The following RAPGEF2 variants were observed in gnomAD, a reference collection of about 807,000 sequenced individuals.
RAPGEF2 encodes Rap guanine nucleotide exchange factor 2.
RAPGEF2 carries 54 observed loss-of-function variants against 186.7 expected under a neutral mutation model. The ratio of observed to expected loss-of-function variants is 0.29; its 90% CI spans 0.23 to 0.36. The LOEUF (loss-of-function observed/expected upper bound fraction) is 0.36. RAPGEF2 is among the 10% of genes least tolerant of loss of function. The pLI is 1.00. For missense variants in RAPGEF2, 1,532 were observed against 2,045.0 expected (o/e 0.75, Z 4.84); for synonymous variants, 712 against 705.9 (o/e 1.01, Z -0.14).
At chr4:159,326,450 T>C (rs929736710) in intron 11 of RAPGEF2, among the ~76,000 whole-genome samples, 8 of 152,254 alleles carry the variant, frequency 5.3e-5, no homozygotes, top group African/African-American at 1.9e-4. Flanking sequence ...CATTATCTTA[T>C]ATTTCAGGGA....
intron 1 of RAPGEF2, among the ~76,000 whole-genome samples, chr4:159,144,002 A>T (rs2111170785): frequency 6.6e-6 from 1 of 152,230 alleles, no homozygotes; most frequent in Admixed American, 6.5e-5. Flanking sequence ...TTTTTCTCAT[A>T]TTCTTTTTTC....
At chr4:159,104,271 G>C (rs1350110802) in intron 1 of RAPGEF2, 40 bp downstream of exon 1, 1 of 1,301,644 alleles carries the variant, frequency 7.7e-7, no homozygotes, top group South Asian at 1.5e-5. Context: ...CCGGATTTCT[G>C]CCTCGCAGGC....
chr4:159,346,946 G>C lies in RAPGEF2; in HGVS notation c.3660G>C (p.Val1220=). 1.9e-6 allele frequency: 3 copies of C among 1,614,156 alleles called. No homozygotes were observed. Among genetic ancestry groups the C allele is most frequent in the Non-Finnish European group, 2.5e-6 (3 of 1,180,038 alleles). The change falls in exon 25 of 30, where the codon GTG becomes GTC. Residue 1220 remains valine (V), a synonymous_variant. Coordinates refer to ENST00000691494, the MANE Select transcript of RAPGEF2 (RefSeq NM_001394067.2). ...KINQGLQVPA[V]SLYPSRKKVP... The stretch of plus-strand genomic sequence containing the variant: ...ACCAGGGACTACAGGTTCCCGCCGT[G>C]TCCCTTTATCCTTCACGGAAGAAAG...
At chr4:159,223,340 T>C (rs1396441675) in intron 4 of RAPGEF2, among the ~76,000 whole-genome samples, 1 of 152,194 alleles carries the variant, frequency 6.6e-6, no homozygotes, top group Non-Finnish European at 1.5e-5. Context: ...CTATCTACTT[T>C]ATTGAGTCAG....
intron 8 of RAPGEF2, among the ~76,000 whole-genome samples, chr4:159,308,970 C>T (rs1001899560): frequency 9.2e-5 from 14 of 152,120 alleles, no homozygotes; most frequent in African/African-American, 3.4e-4. Context: ...AATGGAGATT[C>T]AATTGAGTTA....
intron 7 of RAPGEF2, among the ~76,000 whole-genome samples, chr4:159,299,556 C>T (rs894675005): frequency 1.8e-4 from 27 of 151,858 alleles, no homozygotes; most frequent in Admixed American, 1.2e-3. Context: ...TAATTCAGGA[C>T]GGAAAGGAAG....
intron 17 of RAPGEF2, among the ~76,000 whole-genome samples, chr4:159,336,797 GT>G (rs1767494898): frequency 2.0e-5 from 3 of 151,592 alleles, no homozygotes; most frequent in Non-Finnish European, 4.4e-5. Flanking sequence ...AAAAATAGTA[GT>G]TATTATGATC....
In RAPGEF2 at chr4:159,269,280, G is replaced by A. The variant is rs566593775; in HGVS notation, c.543+25489G>A. On this transcript the variant is annotated intron_variant, in intron 7 of 29. Coordinates refer to ENST00000691494, the MANE Select transcript of RAPGEF2 (RefSeq NM_001394067.2). ...GTTCTTAGACTAAGTGATTCTTTGC[G>A]CACTGTCTCACCTCAGGAATGAGCC... 9.2e-5 allele frequency among the ~76,000 whole-genome samples: 14 copies of A among 152,030 alleles called. No homozygotes were observed. In the East Asian group the frequency reaches 1.9e-3, roughly 21 times the overall value.
intron 25 of RAPGEF2, 132 bp downstream of exon 25, chr4:159,347,130 A>AT: frequency 3.5e-6 from 3 of 853,324 alleles, no homozygotes; most frequent in Non-Finnish European, 3.6e-6. Context: ...GCTCCTAATA[A>AT]AACATGAACA....
At position 159,103,155 on chromosome 4, in the gene RAPGEF2, C is replaced by T. The variant is rs985941968; in HGVS notation, c.-1008C>T. 6.6e-6 allele frequency: 1 copy of T among 151,944 alleles called. No individual in the cohort carries two copies. The highest frequency in any genetic ancestry group is 2.4e-5 in the African/African-American group (1 of 41,396). The allele number at this position is 151,944 out of a possible 1,614,324, so 9.4% of individuals were successfully genotyped here. On this transcript the variant is annotated 5_prime_UTR_variant, in exon 1 of 30. Coordinates refer to ENST00000691494, the MANE Select transcript of RAPGEF2 (RefSeq NM_001394067.2). Reference sequence around the variant, plus strand: ...GAAGAGGAGGGGAATCGCCGCTTCCCAAACACTCTCTCCGAGGGGGCTGTG... The same window carrying T: ...GAAGAGGAGGGGAATCGCCGCTTCCTAAACACTCTCTCCGAGGGGGCTGTG...
At chr4:159,352,599 T>C in intron 26 of RAPGEF2, 86 bp from the exon 27 acceptor site, 1 of 1,104,508 alleles carries the variant, frequency 9.1e-7, no homozygotes, top group South Asian at 1.4e-5. Context: ...TATGCCTGCA[T>C]TTTATTTTTG....
In RAPGEF2 at chr4:159,104,543, A is replaced by AGG. The variant is rs1560965042; in HGVS notation, c.69+313_69+314insGG. Reference sequence around the variant, plus strand: ...GAGAGAGAGGGAGAGACAGAGAGAGAGAGAGAGAGAGTGTGTGTGTGTGTG... The same window carrying AGG: ...GAGAGAGAGGGAGAGACAGAGAGAGAGGGAGAGAGAGAGTGTGTGTGTGTGTG... On this transcript the variant is annotated intron_variant, in intron 1 of 29. Coordinates refer to ENST00000691494, the MANE Select transcript of RAPGEF2 (RefSeq NM_001394067.2). 1.8e-4 allele frequency among the ~76,000 whole-genome samples: 23 copies of AGG among 128,280 alleles called. 1 individual carries two copies. The highest frequency in any genetic ancestry group is 7.0e-4 in the African/African-American group (22 of 31,206). 84.2% of individuals were successfully genotyped at this position (128,280 alleles called of 152,430 possible).
chr4:159,197,537 T>G (rs576492813), intron 3 of RAPGEF2, among the ~76,000 whole-genome samples: 1 of 152,206 alleles, frequency 6.6e-6, no homozygotes, highest in Non-Finnish European at 1.5e-5. Flanking sequence ...TCATAGCACT[T>G]TGTAAGGGGT....
chr4:159,258,907 A>G (rs1756491123), intron 7 of RAPGEF2, among the ~76,000 whole-genome samples: 1 of 152,216 alleles, frequency 6.6e-6, no homozygotes, highest in Admixed American at 6.5e-5. Flanking sequence ...CTGTACATTA[A>G]TTAATGGGTT....
chr4:159,163,886 A>C (rs938506836), intron 1 of RAPGEF2, among the ~76,000 whole-genome samples: 5 of 152,092 alleles, frequency 3.3e-5, no homozygotes, highest in African/African-American at 1.2e-4. Context: ...ATTATAGTAC[A>C]TGGATAAAAT....
chr4:159,115,388 A>G (rs1379460754), intron 1 of RAPGEF2, among the ~76,000 whole-genome samples: 2 of 152,206 alleles, frequency 1.3e-5, no homozygotes, highest in African/African-American at 4.8e-5. Flanking sequence ...GTTGCATTTG[A>G]GGGCACAAAT....
rs552048673 is a variant in RAPGEF2 at position 159,313,304 on chromosome 4, A to G, written c.676-1287A>G. 6.6e-5 allele frequency among the ~76,000 whole-genome samples: 10 copies of G among 152,394 alleles called. No individual in the cohort carries two copies. In the South Asian group the frequency reaches 2.1e-3, roughly 32 times the overall value. ...AGATTGCGATTAAGACTCTGAAGCCAGAATTCCTGGGTTGTAGTCTTGATT... is the reference window on the plus strand; with the variant it reads ...AGATTGCGATTAAGACTCTGAAGCCGGAATTCCTGGGTTGTAGTCTTGATT... On this transcript the variant is annotated intron_variant, in intron 8 of 29. Transcript: ENST00000691494.
At chr4:159,291,659 TAA>T (rs972067925) in intron 7 of RAPGEF2, among the ~76,000 whole-genome samples, 2 of 152,176 alleles carry the variant, frequency 1.3e-5, no homozygotes, top group Non-Finnish European at 2.9e-5. Context: ...ACACAGTACA[TAA>T]AGTTTCTCAG....
At chr4:159,244,282 T>A (rs1579582334) in intron 7 of RAPGEF2, among the ~76,000 whole-genome samples, 1 of 151,908 alleles carries the variant, frequency 6.6e-6, no homozygotes, top group Non-Finnish European at 1.5e-5. Flanking sequence ...GATTTTTTTT[T>A]AAAAGGTTGG....
Sources: allele counts gnomAD v4.1 joint callset (sites outside exome capture counted in the v4.1 genomes callset), GRCh38; gene constraint gnomAD v4.1.1; transcripts MANE v1.5; gene names NCBI Gene and HGNC (gene_info 2026-07-23, HGNC 2026-07-21).